The following MSI2 variants were observed in gnomAD, a reference collection of about 807,000 sequenced individuals.
MSI2 encodes the protein musashi RNA binding protein 2.
Under a neutral mutation model 45.6 loss-of-function variants are expected in MSI2, and 17 were observed. That is an observed-to-expected ratio of 0.37 (90% CI 0.26 to 0.56). MSI2 has a LOEUF of 0.56. Among genes scored for constraint, MSI2 ranks in the 20% least tolerant of loss-of-function variants. The probability of loss-of-function intolerance (pLI) is 0.77; values close to 1 mark genes in which losing one functional copy is unlikely to be tolerated. For missense variants in MSI2, 293 were observed against 444.2 expected, an observed-to-expected ratio of 0.66 and a Z score of 3.06; for synonymous variants, 156 against 158.2, an observed-to-expected ratio of 0.99 and a Z score of 0.11.
chr17:57,436,758 A>G (rs2084698638), intron 6 of MSI2, among the ~76,000 whole-genome samples: 1 of 152,232 alleles, frequency 6.6e-6, no homozygotes, highest in Non-Finnish European at 1.5e-5. Context: ...TTAATCATTA[A>G]TATCATAAAA....
chr17:57,336,161 G>A (rs960366443), intron 5 of MSI2, among the ~76,000 whole-genome samples: 9 of 152,210 alleles, frequency 5.9e-5, no homozygotes, highest in African/African-American at 9.7e-5. Context: ...TGGTGAGGAC[G>A]GTGGTGAGAA....
In MSI2 at chr17:57,458,909, G is replaced by A. The variant is rs143243265; in HGVS notation, c.405+57438G>A. On this transcript the variant is annotated intron_variant, in intron 6 of 13. Coordinates refer to ENST00000284073, the MANE Select transcript of MSI2 (RefSeq NM_138962.4). The stretch of plus-strand genomic sequence containing the variant: ...CGGTTGCTGGGCACCTGGCGAGAGC[G>A]TTGGGTTGTTTGCTTTGGGTAACTA... Among the ~76,000 whole-genome samples the A allele has an allele frequency of 3.9e-5, 6 of 152,310 alleles. No individual in the cohort carries two copies. In the East Asian group the frequency reaches 5.8e-4, roughly 15 times the overall value.
intron 5 of MSI2, among the ~76,000 whole-genome samples, chr17:57,324,546 A>T (rs1436576359): frequency 6.6e-6 from 1 of 152,144 alleles, no homozygotes; most frequent in African/African-American, 2.4e-5. Context: ...TGGCCCATGG[A>T]TACTTATATC....
intron 5 of MSI2, among the ~76,000 whole-genome samples, chr17:57,319,407 C>A (rs1327486031): frequency 6.6e-6 from 1 of 152,158 alleles, no homozygotes; most frequent in Non-Finnish European, 1.5e-5. Flanking sequence ...TTCCTCAATT[C>A]AGAATGCACT....
intron 7 of MSI2, among the ~76,000 whole-genome samples, chr17:57,544,344 T>C (rs2087117929): frequency 6.6e-6 from 1 of 152,236 alleles, no homozygotes. Flanking sequence ...GGCCTGGTCA[T>C]TAGCAGCGTT....
chr17:57,558,137 T>C (rs756918403), intron 7 of MSI2, among the ~76,000 whole-genome samples: 11 of 152,136 alleles, frequency 7.2e-5, no homozygotes, highest in Non-Finnish European at 1.5e-4. Flanking sequence ...ATAAAGGCTC[T>C]GGGGGAAAAG....
intron 7 of MSI2, among the ~76,000 whole-genome samples, chr17:57,576,221 G>A (rs1567910932): frequency 6.6e-6 from 1 of 152,174 alleles, no homozygotes; most frequent in Non-Finnish European, 1.5e-5. Context: ...ACCAACAGCA[G>A]TCCTGGAGCT....
intron 5 of MSI2, among the ~76,000 whole-genome samples, chr17:57,286,597 G>A (rs758107478): frequency 2.6e-4 from 40 of 151,982 alleles, no homozygotes; most frequent in Admixed American, 5.9e-4. Flanking sequence ...AGGTGACCAC[G>A]TCATTGGTAT....
rs79470184 is a variant in MSI2 at position 57,591,669 on chromosome 17, A to G, written c.455-5199A>G. Among the ~76,000 whole-genome samples the G allele has an allele frequency of 5.5e-3, 838 of 151,808 alleles. 9 individuals are homozygous for G. Among genetic ancestry groups the G allele is most frequent in the African/African-American group, 0.019 (798 of 41,328 alleles). ...TTAAGCTTGGGAGATCAAGACTGCA[A>G]TGAGCCAAGATTGTTCTACTTTACT... is the stretch of plus-strand genomic sequence containing the variant. On this transcript the variant is annotated intron_variant, in intron 7 of 13. Transcript: ENST00000284073.
At chr17:57,528,103 C>T (rs931736335) in intron 6 of MSI2, among the ~76,000 whole-genome samples, 5 of 150,852 alleles carry the variant, frequency 3.3e-5, no homozygotes, top group African/African-American at 1.2e-4. Flanking sequence ...GTTTTACCCC[C>T]CCTACAGCCA....
intron 5 of MSI2, among the ~76,000 whole-genome samples, chr17:57,300,547 T>A (rs1314539899): frequency 6.6e-6 from 1 of 152,208 alleles, no homozygotes; most frequent in African/African-American, 2.4e-5. Flanking sequence ...CCACTGGGAA[T>A]GCCTCATTGT....
intron 8 of MSI2, among the ~76,000 whole-genome samples, chr17:57,602,620 G>A (rs1051342528): frequency 6.6e-6 from 1 of 152,054 alleles, no homozygotes; most frequent in Admixed American, 6.5e-5. Flanking sequence ...CTCCAAAAGT[G>A]CTGGGATTAC....
chr17:57,477,152 G>C (rs1344353203), intron 6 of MSI2, among the ~76,000 whole-genome samples: 25 of 37,916 alleles, frequency 6.6e-4, no homozygotes, highest in African/African-American at 1.4e-3. Context: ...CCTGGTGTGT[G>C]TGTGTGTGTG....
chr17:57,593,205 A>C (rs907241169), intron 7 of MSI2, among the ~76,000 whole-genome samples: 2 of 152,100 alleles, frequency 1.3e-5, no homozygotes, highest in Non-Finnish European at 2.9e-5. Context: ...GCCTGGCGGG[A>C]GGAGGTTGCG....
At chr17:57,374,001 A>G (rs1440255787) in intron 5 of MSI2, among the ~76,000 whole-genome samples, 1 of 152,196 alleles carries the variant, frequency 6.6e-6, no homozygotes, top group Non-Finnish European at 1.5e-5. Context: ...ATGGGGACCG[A>G]TTTACCATGT....
At chr17:57,340,601 T>G (rs1398903917) in intron 5 of MSI2, among the ~76,000 whole-genome samples, 1 of 152,086 alleles carries the variant, frequency 6.6e-6, no homozygotes, top group Non-Finnish European at 1.5e-5. Context: ...TCCCCATCAT[T>G]GTGGCTGAGT....
chr17:57,644,124 T>C (rs1325666625), intron 10 of MSI2, among the ~76,000 whole-genome samples: 1 of 152,118 alleles, frequency 6.6e-6, no homozygotes, highest in Non-Finnish European at 1.5e-5. Context: ...AGTGATGTGT[T>C]GGTACCCTTG....
chr17:57,273,617 C>G (rs1908591551), intron 5 of MSI2, among the ~76,000 whole-genome samples: 1 of 152,160 alleles, frequency 6.6e-6, no homozygotes, highest in African/African-American at 2.4e-5. Flanking sequence ...ACAAGTCCTG[C>G]CTGGGCAGTT....
intron 5 of MSI2, among the ~76,000 whole-genome samples, chr17:57,304,357 CAA>C (rs146857564): frequency 2.9e-4 from 16 of 55,064 alleles, no homozygotes; most frequent in Admixed American, 1.9e-3. Context: ...ACTCTGTCTC[CAA>C]AAAAAAAAAA....
Sources: gnomAD v4.1 joint callset for allele counts (sites outside exome capture counted in the v4.1 genomes callset) on GRCh38, gnomAD v4.1.1 for gene constraint, MANE v1.5 for transcripts, NCBI Gene and HGNC (gene_info 2026-07-23, HGNC 2026-07-21) for gene names.